Variants in TRIM2 observed in about 807,000 individuals in gnomAD.
TRIM2 encodes tripartite motif containing 2.
TRIM2 carries 20 observed loss-of-function variants against 75.2 expected under a neutral mutation model. That is an observed-to-expected ratio of 0.27 (90% CI 0.19 to 0.39). The LOEUF is 0.39. TRIM2 is among the 10% of genes least tolerant of loss of function. The probability of loss-of-function intolerance (pLI) is 1.00; values close to 1 mark genes in which losing one functional copy is unlikely to be tolerated. For missense variants in TRIM2, 660 were observed against 990.8 expected, an observed-to-expected ratio of 0.67 and a Z score of 4.48; for synonymous variants, 373 against 388.3, an observed-to-expected ratio of 0.96 and a Z score of 0.46.
At chr4:153,223,350 A>G (rs887676024) in intron 1 of TRIM2, among the ~76,000 whole-genome samples, 1 of 152,210 alleles carries the variant, frequency 6.6e-6, no homozygotes, top group Non-Finnish European at 1.5e-5. Flanking sequence ...TGCAGAGAAA[A>G]AAAGATACTG....
chr4:153,237,904 C>A (rs1745458198), intron 1 of TRIM2, among the ~76,000 whole-genome samples: 1 of 152,052 alleles, frequency 6.6e-6, no homozygotes. Context: ...CAGCTCCCTC[C>A]CTCTGTGACT....
rs150477766 is a variant in TRIM2, at chr4:153,167,196, T to C, written c.-49+13926T>C. On this transcript the variant is annotated intron_variant, in intron 1 of 11. Coordinates refer to the TRIM2 transcript ENST00000437508. ...CAGGGAGGTAAAGAACACATTTGGA[T>C]TTTATTTCTTTTCTTCACGGTCTAT... 9.2e-5 allele frequency among the ~76,000 whole-genome samples: 14 copies of C among 152,362 alleles called. No homozygotes were observed. The East Asian group carries it at 2.7e-3, about 29-fold the overall frequency.
intron 3 of TRIM2, 30 bp downstream of exon 3, chr4:153,276,160 G>C: frequency 6.3e-7 from 1 of 1,582,724 alleles, no homozygotes. Context: ...GATACTGCCC[G>C]GGAGCATGAC....
intron 1 of TRIM2, among the ~76,000 whole-genome samples, chr4:153,153,614 T>C (rs1728939003): frequency 6.6e-6 from 1 of 152,210 alleles, no homozygotes; most frequent in Admixed American, 6.5e-5. Flanking sequence ...CCGGCCCTTT[T>C]TGAAGATGGA....
chr4:153,339,187 T>G lies in TRIM2; in HGVS notation c.*4221T>G, dbSNP rs1772819232. The G allele has an allele frequency of 1.0e-6, 1 of 985,760 alleles. No homozygotes were observed. The highest frequency in any genetic ancestry group is 1.2e-6 in the Non-Finnish European group (1 of 829,920). The allele number at this position is 985,760 out of a possible 1,614,324, so 61.1% of individuals were successfully genotyped here. ...TCGTAGCTACATACGTACCACAGTA[T>G]TTTGGATGCTTTAGTCTACAATGAA... On this transcript the variant is annotated 3_prime_UTR_variant, in exon 12 of 12. Transcript: ENST00000338700.
intron 10 of TRIM2, 110 bp downstream of exon 10, chr4:153,324,258 C>A: frequency 2.3e-6 from 2 of 874,590 alleles, no homozygotes; most frequent in Non-Finnish European, 1.7e-6. Context: ...AGTTAACCAG[C>A]AGAGTAGACT....
chr4:153,251,392 C>T (rs1208408615), intron 1 of TRIM2, among the ~76,000 whole-genome samples: 3 of 152,236 alleles, frequency 2.0e-5, no homozygotes, highest in Admixed American at 1.3e-4. Flanking sequence ...TCCATCATAA[C>T]AATACTTCCT....
intron 1 of TRIM2, among the ~76,000 whole-genome samples, chr4:153,259,219 C>G (rs1006455209): frequency 1.3e-5 from 2 of 152,154 alleles, no homozygotes; most frequent in African/African-American, 4.8e-5. Flanking sequence ...ATAGGTAATA[C>G]TATAGTCCTG....
chr4:153,183,197 G>C (rs567274398), intron 1 of TRIM2, among the ~76,000 whole-genome samples: 59 of 152,326 alleles, frequency 3.9e-4, no homozygotes, highest in Middle Eastern at 3.4e-3. Flanking sequence ...TCTCTCCTCT[G>C]AACACACAGC....
intron 11 of TRIM2, among the ~76,000 whole-genome samples, chr4:153,331,297 T>C (rs1413052775): frequency 6.6e-6 from 1 of 152,146 alleles, no homozygotes; most frequent in Non-Finnish European, 1.5e-5. Context: ...CACTCCAGCC[T>C]GGGTGACAGA....
chr4:153,212,659 GA>G (rs531832464), intron 1 of TRIM2, among the ~76,000 whole-genome samples: 22 of 151,960 alleles, frequency 1.4e-4, no homozygotes, highest in Middle Eastern at 3.4e-3. Flanking sequence ...CTGTCTCTAG[GA>G]AAAAAAGAAA....
chr4:153,226,956 G>A (rs1742288286), intron 1 of TRIM2, among the ~76,000 whole-genome samples: 1 of 152,174 alleles, frequency 6.6e-6, no homozygotes, highest in South Asian at 2.1e-4. Context: ...CTTATGATCT[G>A]GAAAGTACAA....
chr4:153,303,572 T>G (rs1039621910), intron 6 of TRIM2, among the ~76,000 whole-genome samples: 1 of 152,230 alleles, frequency 6.6e-6, no homozygotes, highest in Admixed American at 6.5e-5. Flanking sequence ...AATAATCATT[T>G]TGTGCATGTG....
At chr4:153,278,444 C>T (rs1382525393) in intron 3 of TRIM2, among the ~76,000 whole-genome samples, 1 of 152,196 alleles carries the variant, frequency 6.6e-6, no homozygotes, top group Non-Finnish European at 1.5e-5. Context: ...CATTATTTCT[C>T]ATTCTACATG....
rs1020429107 is a variant in TRIM2 at position 153,334,693 on chromosome 4, G to A, written c.2164-121G>A. 12 of 958,758 alleles carry A rather than the reference G, an allele frequency of 1.3e-5. No homozygotes were observed. The African/African-American group carries it at 2.0e-4, about 16-fold the overall frequency. The allele number at this position is 958,758 out of a possible 1,614,324, so 59.4% of individuals were successfully genotyped here. A position where few individuals can be genotyped will look rare whatever the true frequency, so the allele number is the denominator to read the frequency against. On this transcript the variant is annotated intron_variant, in intron 11 of 11. Transcript: ENST00000338700. ...GGCACACCAGCCTGGGTGTCAGAGT[G>A]AGACCCTGTCAAAAAGAAAGAAAGA...
intron 1 of TRIM2, among the ~76,000 whole-genome samples, chr4:153,245,781 A>G (rs1243080309): frequency 6.6e-6 from 1 of 152,164 alleles, no homozygotes; most frequent in African/African-American, 2.4e-5. Context: ...GGTTCAAGCG[A>G]TCCTCCCACC....
intron 9 of TRIM2, 67 bp from the exon 10 acceptor site, chr4:153,324,011 A>T: frequency 8.1e-7 from 1 of 1,237,106 alleles, no homozygotes; most frequent in Non-Finnish European, 1.2e-6. Flanking sequence ...TTTGTTTGTT[A>T]CAGTAACTGC....
intron 1 of TRIM2, among the ~76,000 whole-genome samples, chr4:153,260,730 T>G (rs1753333381): frequency 1.1e-5 from 1 of 87,346 alleles, no homozygotes; most frequent in African/African-American, 5.4e-5. Flanking sequence ...ACACACATCA[T>G]CATCATCATC....
rs922051875 is a variant in TRIM2 at position 153,227,281 on chromosome 4, G to T, written c.30+22721G>T. On this transcript the variant is annotated intron_variant, in intron 1 of 11. Coordinates refer to ENST00000338700, the MANE Select transcript of TRIM2 (RefSeq NM_015271.5). ...CCCCAAGACTCTTGTTCAGTGCACG[G>T]TTCTATTCCTAAAATGTCCTCTCCT... Among the ~76,000 whole-genome samples the T allele has an allele frequency of 3.3e-5, 5 of 152,204 alleles. No individual in the cohort carries two copies. The East Asian group carries it at 7.7e-4, about 23-fold the overall frequency.
Sources: allele counts gnomAD v4.1 joint callset (sites outside exome capture counted in the v4.1 genomes callset), GRCh38; gene constraint gnomAD v4.1.1; transcripts MANE v1.5; gene names NCBI Gene and HGNC (gene_info 2026-07-23, HGNC 2026-07-21).